Variants in FIBCD1 observed in about 807,000 individuals in gnomAD.
FIBCD1 encodes the protein fibrinogen C domain containing 1, also known as fibrinogen C domain-containing protein 1.
In FIBCD1, 47 loss-of-function variants were observed where a neutral mutation model predicts 45.1. That is an observed-to-expected ratio of 1.04 (90% CI 0.82 to 1.33). FIBCD1 has a LOEUF of 1.33. FIBCD1 is among the 40% of genes most tolerant of loss of function. FIBCD1 has a pLI of 0.00. For missense variants in FIBCD1, 653 were observed against 682.2 expected (o/e 0.96, Z 0.48); for synonymous variants, 313 against 308.1 (o/e 1.02, Z -0.17).
intron 1 of FIBCD1, chr9:130,930,685 G>A (rs1308231954): frequency 4.4e-6 from 2 of 451,236 alleles, no homozygotes; most frequent in East Asian, 7.0e-5. Flanking sequence ...GGCTGGAGGT[G>A]GAGATCCCAC....
In FIBCD1 at chr9:130,915,264, C is replaced by A. The variant is rs79943508; in HGVS notation, c.850-3376G>T. ...TGGGTGCCAGTTACAGTGACCCCACCATCCCCCAGGGCTCCTCCTTGGTGC... is the reference window on the plus strand; with the variant it reads ...TGGGTGCCAGTTACAGTGACCCCACAATCCCCCAGGGCTCCTCCTTGGTGC... On this transcript the variant is annotated intron_variant, in intron 4 of 6. Transcript: ENST00000372338. Among the ~76,000 whole-genome samples, 958 of 152,318 alleles carry A rather than the reference C, an allele frequency of 6.3e-3. 30 individuals are homozygous for A. The East Asian group carries it at 0.094, about 15-fold the overall frequency.
chr9:130,905,999 G>A (rs112466242), intron 5 of FIBCD1, among the ~76,000 whole-genome samples: 7 of 152,258 alleles, frequency 4.6e-5, no homozygotes, highest in Non-Finnish European at 7.4e-5. Flanking sequence ...CGGAATTCCC[G>A]TGACAGTGGC....
At chr9:130,909,109 C>T (rs1180756174) in intron 5 of FIBCD1, among the ~76,000 whole-genome samples, 2 of 152,246 alleles carry the variant, frequency 1.3e-5, no homozygotes, top group African/African-American at 4.8e-5. Context: ...GCCTCCCTAC[C>T]AGCTCTGACC....
chr9:130,929,493 C>T (rs1225982953), intron 2 of FIBCD1, 74 bp downstream of exon 2: 6 of 1,465,462 alleles, frequency 4.1e-6, no homozygotes, highest in South Asian at 1.5e-5. Flanking sequence ...GGACATCAGG[C>T]GCCTGGCACA....
chr9:130,930,052 G>A lies in FIBCD1; in HGVS notation c.73-6C>T, dbSNP rs1361064210. 2.0e-6 allele frequency: 3 copies of A among 1,500,258 alleles called. No homozygotes were observed. Among genetic ancestry groups the A allele is most frequent in the Non-Finnish European group, 2.7e-6 (3 of 1,129,320 alleles). The allele number at this position is 1,500,258 out of a possible 1,614,324, so 92.9% of individuals were successfully genotyped here. On this transcript the variant is annotated splice_region_variant and splice_polypyrimidine_tract_variant and intron_variant, in intron 1 of 6. Transcript: ENST00000372338. ...ACGTAGCCGCAGCTCGGCCGCTGCA[G>A]GCCCGCCCGGGACGCACAGACACAG...
intron 5 of FIBCD1, among the ~76,000 whole-genome samples, chr9:130,911,373 C>T (rs1029437772): frequency 3.3e-5 from 5 of 152,242 alleles, no homozygotes; most frequent in Admixed American, 2.6e-4. Context: ...CACCACTGGC[C>T]ACTCTTGGGA....
rs371485825 is a variant in FIBCD1 at position 130,904,321 on chromosome 9, C to T, written c.1129G>A (p.Asp377Asn). ...TVADYSGTAG[D>N]SLLKHSGMRF... The stretch of plus-strand genomic sequence containing the variant: ...ATGCCGCTGTGCTTCAGGAGGGAGT[C>T]GCCTGCGCAGGGGTGCACACAGGTG... Residue 377 changes from aspartate (D) to asparagine (N), a missense_variant and splice_region_variant, in exon 7 of 7, where the codon GAC becomes AAC. Physicochemically the swap from Asp to Asn is conservative, Grantham distance 23. Transcript: ENST00000372338. 118 of 1,605,280 alleles carry T rather than the reference C, an allele frequency of 7.4e-5. No homozygotes were observed. Among genetic ancestry groups the T allele is most frequent in the Middle Eastern group, 3.3e-4 (2 of 6,016 alleles).
chr9:130,925,285 C>T lies in FIBCD1; in HGVS notation c.553-889G>A, dbSNP rs1396749514. ...GCCCCGAAAGAGCAATCCCTGAGAG[C>T]GAAGGATGGCACTGGGGGCAGGGAC... On this transcript the variant is annotated intron_variant, in intron 2 of 6. Transcript: ENST00000372338. Among the ~76,000 whole-genome samples the T allele has an allele frequency of 8.5e-5, 13 of 152,128 alleles. 1 individual carries two copies. Among genetic ancestry groups the T allele is most frequent in the Admixed American group, 7.9e-4 (12 of 15,276 alleles).
chr9:130,910,834 G>T (rs1053107949), intron 5 of FIBCD1, among the ~76,000 whole-genome samples: 2 of 152,128 alleles, frequency 1.3e-5, no homozygotes, highest in Non-Finnish European at 2.9e-5. Flanking sequence ...CTCAGGGTTT[G>T]TGAGTGCACC....
rs201386997 is a variant in FIBCD1 at position 130,923,720 on chromosome 9, G to A, written c.849+24C>T. 2,254 of 1,608,662 alleles carry A rather than the reference G, an allele frequency of 1.4e-3. 3 individuals are homozygous for A. Among genetic ancestry groups the A allele is most frequent in the Middle Eastern group, 2.2e-3 (11 of 4,938 alleles). ...CACGGTCCCCGGTGCCTGCCCTGCC[G>A]CCCGCCCAGCCTGGGACACTCACCG... On this transcript the variant is annotated intron_variant, in intron 4 of 6. Transcript: ENST00000372338.
At chr9:130,930,746 A>G (rs1280545979) in intron 1 of FIBCD1, 1 of 455,648 alleles carries the variant, frequency 2.2e-6, no homozygotes. Context: ...CATTTCCCAC[A>G]GTGTGACCTT....
intron 1 of FIBCD1, among the ~76,000 whole-genome samples, chr9:130,930,343 C>T (rs114705150): frequency 1.5e-4 from 23 of 149,408 alleles, no homozygotes; most frequent in African/African-American, 5.0e-4. Flanking sequence ...CGCGGGGAGA[C>T]GCAGGGAGAT....
At chr9:130,911,571 C>T (rs112617580) in intron 5 of FIBCD1, among the ~76,000 whole-genome samples, 1,921 of 152,350 alleles carry the variant, frequency 0.013, 46 homozygotes, top group African/African-American at 0.044. Context: ...CCTTTATGAG[C>T]ACTGGGAGCC....
chr9:130,909,374 G>T (rs1417732485), intron 5 of FIBCD1, among the ~76,000 whole-genome samples: 1 of 152,070 alleles, frequency 6.6e-6, no homozygotes, highest in Non-Finnish European at 1.5e-5. Flanking sequence ...AGGCCGCCCA[G>T]ATGACACTCG....
chr9:130,904,752 G>A (rs976954804), intron 6 of FIBCD1, among the ~76,000 whole-genome samples: 3 of 152,202 alleles, frequency 2.0e-5, no homozygotes, highest in South Asian at 4.1e-4. Context: ...TCTGCAAAAC[G>A]GGAAAACAGT....
intron 4 of FIBCD1, among the ~76,000 whole-genome samples, chr9:130,914,028 C>T (rs1328019130): frequency 2.0e-5 from 3 of 152,168 alleles, no homozygotes; most frequent in East Asian, 1.9e-4. Context: ...CCAGCACCCA[C>T]GTCTGTAAAG....
chr9:130,930,088 G>T, intron 1 of FIBCD1, 42 bp from the exon 2 acceptor site: 1 of 1,478,868 alleles, frequency 6.8e-7, no homozygotes. Context: ...ACAGACAGAC[G>T]GGAGAGAGAA....
chr9:130,911,257 A>G (rs975840089), intron 5 of FIBCD1, among the ~76,000 whole-genome samples: 5 of 152,154 alleles, frequency 3.3e-5, no homozygotes, highest in African/African-American at 4.8e-5. Flanking sequence ...GAAGAAAAAA[A>G]CTCCAGGCGC....
At chr9:130,940,003 C>T (rs980399581), upstream of FIBCD1, among the ~76,000 whole-genome samples, 1 of 151,898 alleles carries the variant, frequency 6.6e-6, no homozygotes, top group Non-Finnish European at 1.5e-5. Context: ...TCCAGACAGA[C>T]CCCCGTTCCC....
Sources: allele counts gnomAD v4.1 joint callset (sites outside exome capture counted in the v4.1 genomes callset), GRCh38; gene constraint gnomAD v4.1.1; transcripts MANE v1.5; gene names NCBI Gene and HGNC (gene_info 2026-07-23, HGNC 2026-07-21).